The following CTNNA2 variants were observed in gnomAD, a reference collection of about 807,000 sequenced individuals.
The protein encoded by CTNNA2 is catenin alpha-2.
In CTNNA2, 42 loss-of-function variants were observed where a neutral mutation model predicts 101.0. The observed-to-expected ratio is 0.42, with a 90% CI of 0.32 to 0.54. The LOEUF is 0.54. Among genes scored for constraint, CTNNA2 ranks in the 20% least tolerant of loss-of-function variants. The pLI is 0.14. For synonymous variants in CTNNA2, 450 were observed against 456.4 expected (o/e 0.99, Z 0.18); for missense variants, 871 against 1,223.1 (o/e 0.71, Z 4.29).
rs187327808 is a variant in CTNNA2, at chr2:80,208,057, G to T, written c.1057-185154G>T. Among the ~76,000 whole-genome samples, 21 of 152,284 alleles carry T rather than the reference G, an allele frequency of 1.4e-4. No homozygotes were observed. In the East Asian group the frequency reaches 4.1e-3, roughly 29 times the overall value. ...GGATAAGTAGCTCAGAGAGAAGTCA[G>T]ATGTGTTTCCAGAAAATGTTTATTG... On this transcript the variant is annotated intron_variant, in intron 7 of 18. Coordinates refer to ENST00000402739, the MANE Select transcript of CTNNA2 (RefSeq NM_001282597.3).
intron 4 of CTNNA2, among the ~76,000 whole-genome samples, chr2:79,379,179 T>C (rs1445432260): frequency 1.3e-5 from 2 of 152,228 alleles, no homozygotes; most frequent in Admixed American, 6.5e-5. Context: ...TGCACATGAA[T>C]ATATTCCGTA....
At chr2:80,270,814 G>A (rs944640353) in intron 7 of CTNNA2, among the ~76,000 whole-genome samples, 3 of 152,016 alleles carry the variant, frequency 2.0e-5, no homozygotes, top group Non-Finnish European at 2.9e-5. Flanking sequence ...GTTTGGAGAG[G>A]TTATTTACAA....
chr2:79,482,479 T>C (rs1671119697), intron 4 of CTNNA2, among the ~76,000 whole-genome samples: 1 of 152,102 alleles, frequency 6.6e-6, no homozygotes, highest in Admixed American at 6.6e-5. Context: ...GGCTTAGGAA[T>C]TGTGGCAGCG....
At chr2:80,461,004 C>G (rs114605868) in intron 9 of CTNNA2, among the ~76,000 whole-genome samples, 1 of 152,274 alleles carries the variant, frequency 6.6e-6, no homozygotes, top group South Asian at 2.1e-4. Context: ...ACTTTCTAAC[C>G]GCTTCTTTTA....
intron 7 of CTNNA2, among the ~76,000 whole-genome samples, chr2:79,960,766 C>T (rs1186395407): frequency 2.6e-5 from 4 of 152,048 alleles, no homozygotes. Context: ...GAAGTACAAC[C>T]ACCAACTGAT....
At chr2:80,306,156 A>G (rs888064915) in intron 7 of CTNNA2, among the ~76,000 whole-genome samples, 3 of 151,958 alleles carry the variant, frequency 2.0e-5, no homozygotes, top group Admixed American at 2.0e-4. Flanking sequence ...TATTCATCTG[A>G]GCTCTGCCCT....
chr2:80,110,018 A>G (rs141323144), intron 7 of CTNNA2, among the ~76,000 whole-genome samples: 197 of 152,284 alleles, frequency 1.3e-3, no homozygotes, highest in African/African-American at 4.6e-3. Flanking sequence ...TTACCGTAGG[A>G]TCCCATTCAC....
intron 2 of CTNNA2, among the ~76,000 whole-genome samples, chr2:79,299,623 G>C (rs1199600436): frequency 4.6e-5 from 7 of 152,158 alleles, no homozygotes; most frequent in Non-Finnish European, 1.0e-4. Flanking sequence ...GCAAATATGA[G>C]GTGTGTAGGG....
In CTNNA2 at chr2:80,488,528, A is replaced by G. The variant is rs117208529; in HGVS notation, c.1291-56454A>G. 1.7e-4 allele frequency among the ~76,000 whole-genome samples: 26 copies of G among 152,330 alleles called. No homozygotes were observed. In the East Asian group the frequency reaches 4.6e-3, roughly 27 times the overall value. ...AGCTGTAACTCTGTGTCTAACATCC[A>G]TTGTGAAGTTCAGGCTAGGCAAAGA... On this transcript the variant is annotated intron_variant, in intron 9 of 18. Coordinates refer to ENST00000402739, the MANE Select transcript of CTNNA2 (RefSeq NM_001282597.3).
At chr2:79,394,696 T>G (rs1678210935) in intron 4 of CTNNA2, among the ~76,000 whole-genome samples, 1 of 152,214 alleles carries the variant, frequency 6.6e-6, no homozygotes, top group Non-Finnish European at 1.5e-5. Context: ...TGACACTCAG[T>G]AGTACACATA....
At chr2:79,503,701 A>G (rs937253894) in intron 4 of CTNNA2, among the ~76,000 whole-genome samples, 1 of 152,170 alleles carries the variant, frequency 6.6e-6, no homozygotes, top group Admixed American at 6.5e-5. Flanking sequence ...AGAGAAGTGA[A>G]CAGCTATTTT....
chr2:79,425,947 A>G (rs529789561), intron 4 of CTNNA2, among the ~76,000 whole-genome samples: 3 of 152,310 alleles, frequency 2.0e-5, no homozygotes, highest in South Asian at 4.1e-4. Flanking sequence ...GACAACAGGC[A>G]TGTTAGCACA....
At chr2:79,286,855 A>G (rs1286729574) in intron 2 of CTNNA2, among the ~76,000 whole-genome samples, 3 of 152,146 alleles carry the variant, frequency 2.0e-5, no homozygotes, top group East Asian at 3.9e-4. Context: ...AGTATTTTCC[A>G]ACTTGGTTCC....
intron 9 of CTNNA2, among the ~76,000 whole-genome samples, chr2:80,543,420 C>G (rs888921033): frequency 5.3e-5 from 8 of 152,070 alleles, no homozygotes; most frequent in African/African-American, 1.7e-4. Context: ...CAAAGGTAAA[C>G]TATAAACTAT....
chr2:80,629,192 A>G (rs1197128036), intron 18 of CTNNA2, among the ~76,000 whole-genome samples: 1 of 152,092 alleles, frequency 6.6e-6, no homozygotes, highest in Non-Finnish European at 1.5e-5. Context: ...CGGTTCTTAT[A>G]TCATGTCTAC....
At chr2:79,317,234 A>T (rs1395968818) in intron 3 of CTNNA2, among the ~76,000 whole-genome samples, 1 of 152,040 alleles carries the variant, frequency 6.6e-6, no homozygotes, top group Non-Finnish European at 1.5e-5. Context: ...AGGTTAAACA[A>T]ATCTCGCATT....
intron 7 of CTNNA2, among the ~76,000 whole-genome samples, chr2:80,255,282 A>G (rs1168314253): frequency 6.6e-6 from 1 of 152,174 alleles, no homozygotes; most frequent in Non-Finnish European, 1.5e-5. Context: ...GGTTAAGAAC[A>G]GAACGTGTGA....
intron 7 of CTNNA2, among the ~76,000 whole-genome samples, chr2:80,098,062 T>C (rs907632997): frequency 6.6e-5 from 10 of 152,264 alleles, no homozygotes; most frequent in African/African-American, 2.2e-4. Flanking sequence ...GCTGCATTCC[T>C]TTGGAGGAGG....
intron 9 of CTNNA2, among the ~76,000 whole-genome samples, chr2:80,539,538 A>G (rs1489667590): frequency 6.6e-6 from 1 of 152,158 alleles, no homozygotes; most frequent in Admixed American, 6.5e-5. Flanking sequence ...TCCACTTAGC[A>G]GCACTGGTCT....
Sources: gnomAD v4.1 joint callset for allele counts (sites outside exome capture counted in the v4.1 genomes callset) on GRCh38, gnomAD v4.1.1 for gene constraint, MANE v1.5 for transcripts, NCBI Gene and HGNC (gene_info 2026-07-23, HGNC 2026-07-21) for gene names.